OPRL1: variants seen among roughly 807,000 people sequenced by gnomAD.
OPRL1 encodes nociceptin receptor.
Under a neutral mutation model 15.5 loss-of-function variants are expected in OPRL1, and 5 were observed. The observed-to-expected ratio is 0.32, with a 90% CI of 0.17 to 0.68. OPRL1 has a LOEUF of 0.68. Among genes scored for constraint, OPRL1 ranks in the 30% least tolerant of loss-of-function variants. The pLI, the probability that OPRL1 is intolerant of heterozygous loss-of-function variation, is 0.72. For missense variants in OPRL1, 406 were observed against 515.3 expected, an observed-to-expected ratio of 0.79 and a Z score of 2.05; for synonymous variants, 223 against 230.2, an observed-to-expected ratio of 0.97 and a Z score of 0.28.
In OPRL1 at chr20:64,097,322, A is replaced by G. The variant is rs1262840835; in HGVS notation, c.234-480A>G. ...TTGCTAGGCAGCAGTGTGGACTTGG[A>G]AGCCTTTTGATATGTTCTTACAGAT... On this transcript the variant is annotated intron_variant, in intron 3 of 4. Transcript: ENST00000336866. This position sits in a 1 kb window ranked among gnomAD's most constrained non-coding sequence, Gnocchi z 4.2. 2.0e-5 allele frequency among the ~76,000 whole-genome samples: 3 copies of G among 152,026 alleles called. No individual in the cohort carries two copies. The highest frequency in any genetic ancestry group is 4.4e-5 in the Non-Finnish European group (3 of 68,010).
chr20:64,083,826 G>C lies in OPRL1; in HGVS notation c.-185+3474G>C, dbSNP rs879507968. 1.5e-6 allele frequency: 2 copies of C among 1,366,828 alleles called. No homozygotes were observed. Among genetic ancestry groups the C allele is most frequent in the Non-Finnish European group, 9.4e-7 (1 of 1,066,318 alleles). The allele number at this position is 1,366,828 out of a possible 1,614,324, so 84.7% of individuals were successfully genotyped here. On this transcript the variant is annotated intron_variant, in intron 1 of 4. Transcript: ENST00000336866. The surrounding 1 kb of genome is among the most constrained non-coding windows in gnomAD (Gnocchi z 4.9). Reference sequence around the variant, plus strand: ...CGACCCCCTCGCCTCACCCGCATGCGGGTGTAGCGCAGCCGCAGGGCGCGG... The same window carrying C: ...CGACCCCCTCGCCTCACCCGCATGCCGGTGTAGCGCAGCCGCAGGGCGCGG...
Position 64,098,724 on chromosome 20 carries a change from TG to T in OPRL1, c.1039del (p.Asp347ThrfsTer26). ...CCCTGCGCCGGGACGTGCAGGTGTC[TG>T]ACCGCGTGCGCAGCATTGCCAAGGA... ...SALRRDVQVS[D>X]RVRSIAKDVA... On this transcript the variant is annotated frameshift_variant, in exon 5 of 5. Transcript: ENST00000336866. LOFTEE classifies it high-confidence loss of function. 1 of 1,612,070 alleles carries T rather than the reference TG, an allele frequency of 6.2e-7. No individual in the cohort carries two copies. The highest frequency in any genetic ancestry group is 8.5e-7 in the Non-Finnish European group (1 of 1,179,960).
rs2060100078 is a variant in OPRL1 at position 64,089,549 on chromosome 20, A to G, written c.-184-2417A>G. On this transcript the variant is annotated intron_variant, in intron 1 of 4. Coordinates refer to ENST00000336866, the MANE Select transcript of OPRL1 (RefSeq NM_182647.4). This position sits in a 1 kb window ranked among gnomAD's most constrained non-coding sequence, Gnocchi z 5.5. ...ACCCATCCTCTCTCTTGATCTCTCCATACTTCCTCCCCACTCCTTTCCCTT... is the reference window on the plus strand; with the variant it reads ...ACCCATCCTCTCTCTTGATCTCTCCGTACTTCCTCCCCACTCCTTTCCCTT... Among the ~76,000 whole-genome samples the G allele has an allele frequency of 6.6e-6, 1 of 151,326 alleles. No homozygotes were observed. Among genetic ancestry groups the G allele is most frequent in the Admixed American group, 6.6e-5 (1 of 15,220 alleles).
Position 64,083,701 on chromosome 20 carries a change from TCGGCCTGCGGGGC to T in OPRL1, c.-185+3351_-185+3363del. The T allele has an allele frequency of 7.2e-7, 1 of 1,390,912 alleles. No homozygotes were observed. The highest frequency in any genetic ancestry group is 1.6e-5 in the South Asian group (1 of 61,894). The allele number at this position is 1,390,912 out of a possible 1,614,324, so 86.2% of individuals were successfully genotyped here. A position where few individuals can be genotyped will look rare whatever the true frequency, so the allele number is the denominator to read the frequency against. On this transcript the variant is annotated intron_variant, in intron 1 of 4. Coordinates refer to ENST00000336866, the MANE Select transcript of OPRL1 (RefSeq NM_182647.4). This position sits in a 1 kb window ranked among gnomAD's most constrained non-coding sequence, Gnocchi z 4.9. ...CCGCTGGATGAGCAGCGCGATCTCC[TCGGCCTGCGGGGC>T]CCGGGTAGCTGAGCGCGCGCCGAGC...
chr20:64,083,861 C>T lies in OPRL1; in HGVS notation c.-185+3509C>T, dbSNP rs2145569478. 2.8e-6 allele frequency: 4 copies of T among 1,415,602 alleles called. No individual in the cohort carries two copies. Among genetic ancestry groups the T allele is most frequent in the Non-Finnish European group, 3.7e-6 (4 of 1,091,942 alleles). 87.7% of individuals were successfully genotyped at this position (1,415,602 alleles called of 1,614,324 possible). On this transcript the variant is annotated intron_variant, in intron 1 of 4. Coordinates refer to ENST00000336866, the MANE Select transcript of OPRL1 (RefSeq NM_182647.4). This position sits in a 1 kb window ranked among gnomAD's most constrained non-coding sequence, Gnocchi z 4.9. ...CAGCCGCAGGGCGCGGACTCGCCCG[C>T]GGGCCTCCGCTGCCTTGAGGACGCC...
Position 64,098,328 on chromosome 20 carries a change from G to A in OPRL1, c.642G>A (p.Val214=), listed in dbSNP as rs752006106. 4.9e-5 allele frequency: 79 copies of A among 1,613,862 alleles called. No homozygotes were observed. Among genetic ancestry groups the A allele is most frequent in the Middle Eastern group, 3.3e-4 (2 of 6,084 alleles). ...CCCCTCAGGATTACTGGGGCCCGGT[G>A]TTTGCCATCTGCATCTTCCTCTTCT... ...IPTPQDYWGP[V]FAICIFLFSF... is the part of the protein sequence containing the mutation. The change falls in exon 5 of 5, where the codon GTG becomes GTA. Residue 214 remains valine, a synonymous_variant. Transcript: ENST00000336866.
In OPRL1 at chr20:64,098,858, C is replaced by A; in HGVS notation, c.*59C>A. On this transcript the variant is annotated 3_prime_UTR_variant, in exon 5 of 5. Transcript: ENST00000336866. Reference sequence around the variant, plus strand: ...CCGCAGAGCCCATCTACGCCCAACACAGAGCTCACACAGGTCACTGCTCTC... The same window carrying A: ...CCGCAGAGCCCATCTACGCCCAACAAAGAGCTCACACAGGTCACTGCTCTC... 6.5e-7 allele frequency: 1 copy of A among 1,531,470 alleles called. No individual in the cohort carries two copies. Among genetic ancestry groups the A allele is most frequent in the South Asian group, 1.2e-5 (1 of 80,202 alleles). 94.9% of individuals were successfully genotyped at this position (1,531,470 alleles called of 1,614,324 possible). A position where few individuals can be genotyped will look rare whatever the true frequency, so the allele number is the denominator to read the frequency against.
intron 3 of OPRL1, among the ~76,000 whole-genome samples, chr20:64,095,435 G>A (rs1246625594): frequency 3.3e-5 from 5 of 151,282 alleles, no homozygotes; most frequent in East Asian, 2.0e-4. Context: ...CACGTGGATT[G>A]TGGATTGGGC....
rs1047358125 is a variant in OPRL1 at position 64,083,803 on chromosome 20, A to T, written c.-185+3451A>T. On this transcript the variant is annotated intron_variant, in intron 1 of 4. Transcript: ENST00000336866. This position sits in a 1 kb window ranked among gnomAD's most constrained non-coding sequence, Gnocchi z 4.9. ...CCCGGTGCGCCCCCTCTGCCCTCCG[A>T]CCCCCTCGCCTCACCCGCATGCGGG... 7.5e-7 allele frequency: 1 copy of T among 1,335,984 alleles called. No homozygotes were observed. The allele number at this position is 1,335,984 out of a possible 1,614,324, so 82.8% of individuals were successfully genotyped here. A position where few individuals can be genotyped will look rare whatever the true frequency, so the allele number is the denominator to read the frequency against.
chr20:64,083,748 G>A lies in OPRL1; in HGVS notation c.-185+3396G>A, dbSNP rs2060000690. The A allele has an allele frequency of 1.7e-6, 2 of 1,189,900 alleles. No individual in the cohort carries two copies. The highest frequency in any genetic ancestry group is 2.2e-6 in the Non-Finnish European group (2 of 916,704). The allele number at this position is 1,189,900 out of a possible 1,614,324, so 73.7% of individuals were successfully genotyped here. ...CTGAGCGCGCGCCGAGCCCCGCCCC[G>A]CCCCGCCCCGGCCGGCTCCGCTCAA... On this transcript the variant is annotated intron_variant, in intron 1 of 4. Coordinates refer to ENST00000336866, the MANE Select transcript of OPRL1 (RefSeq NM_182647.4). This position sits in a 1 kb window ranked among gnomAD's most constrained non-coding sequence, Gnocchi z 4.9.
chr20:64,082,020 TGAAATAATATGTGATTCTCCCAGTA>T (rs1363595339), intron 1 of OPRL1, among the ~76,000 whole-genome samples: 2 of 151,990 alleles, frequency 1.3e-5, no homozygotes, highest in Non-Finnish European at 2.9e-5. Context: ...AGAGAAATGG[TGAAATAATATGTGATTCTCCCAGTA>T]GATGAACTCA....
intron 1 of OPRL1, among the ~76,000 whole-genome samples, chr20:64,081,645 C>G (rs2059968793): frequency 6.6e-6 from 1 of 152,206 alleles, no homozygotes; most frequent in South Asian, 2.1e-4. Context: ...GGGATTTGAA[C>G]CCAGGACCCT....
Position 64,097,913 on chromosome 20 carries a change from C to T in OPRL1, c.345C>T (p.Phe115=). The T allele has an allele frequency of 6.2e-7, 1 of 1,613,694 alleles. No homozygotes were observed. Among genetic ancestry groups the T allele is most frequent in the Non-Finnish European group, 8.5e-7 (1 of 1,180,016 alleles). The change falls in exon 4 of 5, where the codon TTC becomes TTT. Residue 115 remains phenylalanine, a synonymous_variant. Coordinates refer to ENST00000336866, the MANE Select transcript of OPRL1 (RefSeq NM_182647.4). This position sits in a 1 kb window ranked among gnomAD's most constrained non-coding sequence, Gnocchi z 4.2. ...PFQGTDILLG[F]WPFGNALCKT... ...AGGGCACGGACATCCTCCTGGGCTT[C>T]TGGCCGTTTGGGAATGCGCTGTGCA...
intron 1 of OPRL1, chr20:64,085,048 G>C (rs887130188): frequency 6.6e-6 from 1 of 152,258 alleles, no homozygotes; most frequent in Non-Finnish European, 1.5e-5. Context: ...GCGGGGGGCA[G>C]GGTCCCCTCC....
In OPRL1 at chr20:64,098,678, G is replaced by T. The variant is rs780562835; in HGVS notation, c.992G>T (p.Arg331Leu). The change falls in exon 5 of 5, where the codon CGC becomes CTC. Residue 331 changes from arginine to leucine, a missense_variant. By Grantham distance (102) the Arg-to-Leu change is moderately radical (BLOSUM62 -2). Transcript: ENST00000336866. Reference protein sequence around the residue: ...FLDENFKACFRKFCCASALRR... With the variant: ...FLDENFKACFLKFCCASALRR... ...GATGAGAACTTCAAGGCCTGCTTCC[G>T]CAAGTTCTGCTGTGCATCTGCCCTG... The T allele has an allele frequency of 1.9e-6, 3 of 1,612,702 alleles. No individual in the cohort carries two copies. In the Admixed American group the frequency reaches 5.0e-5, roughly 27 times the overall value.
chr20:64,100,229 G>A lies in OPRL1; in HGVS notation c.*1430G>A, dbSNP rs1430748743. 2.0e-5 allele frequency: 3 copies of A among 152,194 alleles called. No individual in the cohort carries two copies. Among genetic ancestry groups the A allele is most frequent in the African/African-American group, 7.2e-5 (3 of 41,432 alleles). The allele number at this position is 152,194 out of a possible 1,614,324, so 9.4% of individuals were successfully genotyped here. ...CTTTGCAAATGCACTTCCTACAGAT[G>A]AACTATTAAAAGACCTGCAACATTG... On this transcript the variant is annotated 3_prime_UTR_variant, in exon 5 of 5. Coordinates refer to ENST00000336866, the MANE Select transcript of OPRL1 (RefSeq NM_182647.4).
chr20:64,095,922 C>T (rs980666195), intron 3 of OPRL1, among the ~76,000 whole-genome samples: 4 of 152,026 alleles, frequency 2.6e-5, no homozygotes, highest in Non-Finnish European at 4.4e-5. Flanking sequence ...GACCATGCAG[C>T]CACGTGTATA....
intron 1 of OPRL1, chr20:64,085,214 T>C (rs922799849): frequency 1.3e-5 from 2 of 152,286 alleles, no homozygotes; most frequent in Non-Finnish European, 2.9e-5. Flanking sequence ...GGTTCCTGGC[T>C]TGAGGGGTCT....
chr20:64,090,499 G>C lies in OPRL1; in HGVS notation c.-184-1467G>C, dbSNP rs1047877049. On this transcript the variant is annotated intron_variant, in intron 1 of 4. Transcript: ENST00000336866. The surrounding 1 kb of genome is among the most constrained non-coding windows in gnomAD (Gnocchi z 4.9). ...TCATGGAGAAGGTGCTCGGAGCAGGGTCTGAGCTGTGTGGGGAGAGGTCTG... is the reference window on the plus strand; with the variant it reads ...TCATGGAGAAGGTGCTCGGAGCAGGCTCTGAGCTGTGTGGGGAGAGGTCTG... 2.6e-5 allele frequency among the ~76,000 whole-genome samples: 4 copies of C among 152,224 alleles called. No homozygotes were observed. The highest frequency in any genetic ancestry group is 9.6e-5 in the African/African-American group (4 of 41,456).
Sources: allele counts gnomAD v4.1 joint callset (sites outside exome capture counted in the v4.1 genomes callset), GRCh38; gene constraint gnomAD v4.1.1; non-coding constraint Gnocchi (gnomAD v3.1); transcripts MANE v1.5; gene names NCBI Gene and HGNC (gene_info 2026-07-23, HGNC 2026-07-21).